The following ACACA variants were observed in gnomAD, a reference collection of about 807,000 sequenced individuals.
ACACA encodes acetyl-CoA carboxylase alpha.
A neutral mutation model predicts 296.1 loss-of-function variants in ACACA; 103 were observed. The ratio of observed to expected loss-of-function variants is 0.35; its 90% CI spans 0.30 to 0.41. The LOEUF (loss-of-function observed/expected upper bound fraction) is 0.41, where lower values mean the gene tolerates loss of function less well. Ranked by LOEUF, ACACA falls within the 10% of genes least tolerant of loss-of-function variation. ACACA has a pLI of 1.00. For synonymous variants in ACACA, 953 were observed against 1,038.6 expected (o/e 0.92, Z 1.58); for missense variants, 1,554 against 2,989.7 (o/e 0.52, Z 11.20).
chr17:37,316,612 A>G (rs2047106839), intron 3 of ACACA, among the ~76,000 whole-genome samples: 1 of 152,188 alleles, frequency 6.6e-6, no homozygotes, highest in African/African-American at 2.4e-5. Context: ...ATAAATTAGT[A>G]CTGCCACTAC....
intron 3 of ACACA, among the ~76,000 whole-genome samples, chr17:37,321,687 G>T (rs2047362482): frequency 6.6e-6 from 1 of 152,170 alleles, no homozygotes; most frequent in East Asian, 1.9e-4. Flanking sequence ...GGCGGAGCTT[G>T]CAGTGAGCCG....
At chr17:37,369,805 A>G (rs1276099580) in intron 1 of ACACA, among the ~76,000 whole-genome samples, 2 of 152,076 alleles carry the variant, frequency 1.3e-5, no homozygotes, top group Non-Finnish European at 2.9e-5. Flanking sequence ...TCCCAGGTTC[A>G]AGCAATTCTC....
At chr17:37,213,055 T>C (rs542643247) in intron 29 of ACACA, among the ~76,000 whole-genome samples, 8 of 152,020 alleles carry the variant, frequency 5.3e-5, no homozygotes, top group African/African-American at 1.9e-4. Flanking sequence ...CAGTGGCTCA[T>C]GCCTATAATT....
intron 5 of ACACA, among the ~76,000 whole-genome samples, chr17:37,281,628 G>C (rs1404399764): frequency 6.6e-6 from 1 of 152,102 alleles, no homozygotes; most frequent in African/African-American, 2.4e-5. Context: ...AGTACTTTGG[G>C]AGGCCAAGGC....
intron 36 of ACACA, 111 bp from the exon 37 acceptor site, chr17:37,192,416 G>C: frequency 9.7e-7 from 1 of 1,030,662 alleles, no homozygotes; most frequent in South Asian, 1.4e-5. Context: ...GCTATGATGT[G>C]CTAATGAGCA....
At chr17:37,331,456 T>G (rs1298451008) in intron 2 of ACACA, among the ~76,000 whole-genome samples, 2 of 151,544 alleles carry the variant, frequency 1.3e-5, no homozygotes, top group African/African-American at 4.9e-5. Flanking sequence ...TCGCCCAGGC[T>G]GGAGTGCAAT....
chr17:37,210,072 C>G (rs2078679296), intron 30 of ACACA, among the ~76,000 whole-genome samples: 1 of 152,138 alleles, frequency 6.6e-6, no homozygotes, highest in Non-Finnish European at 1.5e-5. Context: ...ATTAGAGAAA[C>G]TAAAAATTGT....
chr17:37,392,891 C>T (rs2050940549), intron 1 of ACACA, among the ~76,000 whole-genome samples: 1 of 151,944 alleles, frequency 6.6e-6, no homozygotes, highest in South Asian at 2.1e-4. Flanking sequence ...GCCTGTAATC[C>T]CAGCACTTTG....
At chr17:37,156,025 C>T (rs552859915) in intron 42 of ACACA, among the ~76,000 whole-genome samples, 6 of 150,282 alleles carry the variant, frequency 4.0e-5, no homozygotes, top group Non-Finnish European at 8.9e-5. Flanking sequence ...CAAGTATATT[C>T]CCTTCATTTC....
chr17:37,310,502 T>C (rs547075903), intron 3 of ACACA, among the ~76,000 whole-genome samples: 8 of 151,900 alleles, frequency 5.3e-5, no homozygotes, highest in South Asian at 2.1e-4. Context: ...ATTTTATATA[T>C]AGAAAATGTG....
At chr17:37,220,951 TG>T (rs2079258293) in intron 29 of ACACA, among the ~76,000 whole-genome samples, 2 of 152,190 alleles carry the variant, frequency 1.3e-5, no homozygotes. Flanking sequence ...AGATTGGCTG[TG>T]GTATTTATAT....
chr17:37,260,272 ATATATATATATATATATATATATATTTT>A (rs2081407299), intron 11 of ACACA, among the ~76,000 whole-genome samples: 1 of 25,132 alleles, frequency 4.0e-5, no homozygotes, highest in South Asian at 2.0e-3. Context: ...ATATATATAT[ATATATATATATATATATATATATATTTT>A]TTTTTTTTTT....
At chr17:37,111,962 G>A (rs1415476216) in intron 51 of ACACA, among the ~76,000 whole-genome samples, 1 of 152,126 alleles carries the variant, frequency 6.6e-6, no homozygotes, top group Non-Finnish European at 1.5e-5. Context: ...TTATTTTCCA[G>A]GGGAAAAAAA....
intron 47 of ACACA, 108 bp downstream of exon 47, chr17:37,129,257 C>T (rs1250955906): frequency 2.7e-6 from 4 of 1,475,714 alleles, no homozygotes; most frequent in Admixed American, 1.7e-5. Context: ...TAGGTACTTA[C>T]CTCTGTTTTC....
intron 1 of ACACA, among the ~76,000 whole-genome samples, chr17:37,374,961 C>A (rs1451738396): frequency 6.6e-6 from 1 of 152,000 alleles, no homozygotes; most frequent in Non-Finnish European, 1.5e-5. Context: ...TTTGGGAGGC[C>A]GATGGGGGCA....
chr17:37,385,936 G>A, intron 1 of ACACA: 1 of 1,011,710 alleles, frequency 9.9e-7, no homozygotes, highest in Non-Finnish European at 1.5e-6. Flanking sequence ...GCTGGGCAGG[G>A]TTTCATCAGA....
intron 1 of ACACA, among the ~76,000 whole-genome samples, chr17:37,374,709 C>T (rs2049932879): frequency 6.6e-6 from 1 of 152,108 alleles, no homozygotes; most frequent in African/African-American, 2.4e-5. Context: ...CTAGGAAAAC[C>T]TTCCCAAGCC....
At chr17:37,256,353 T>C (rs898872237) in intron 14 of ACACA, among the ~76,000 whole-genome samples, 4 of 152,206 alleles carry the variant, frequency 2.6e-5, no homozygotes, top group Non-Finnish European at 4.4e-5. Context: ...TGTTTTAATT[T>C]TGAAAAATTC....
chr17:37,191,889 TAA>T (rs562910894), intron 37 of ACACA, among the ~76,000 whole-genome samples, 199 bp downstream of exon 37: 4 of 141,454 alleles, frequency 2.8e-5, no homozygotes, highest in African/African-American at 5.2e-5. Flanking sequence ...TTCTGCTTTG[TAA>T]AAAAAAAAAA....
Sources: gnomAD v4.1 joint callset for allele counts (sites outside exome capture counted in the v4.1 genomes callset) on GRCh38, gnomAD v4.1.1 for gene constraint, MANE v1.5 for transcripts, NCBI Gene and HGNC (gene_info 2026-07-23, HGNC 2026-07-21) for gene names.